NUDT4: variants seen among roughly 807,000 people sequenced by gnomAD.
NUDT4 encodes nudix hydrolase 4.
In NUDT4, 5 loss-of-function variants were observed where a neutral mutation model predicts 23.1. That is an observed-to-expected ratio of 0.22 (90% confidence interval 0.11 to 0.46). The LOEUF is 0.46. Among genes scored for constraint, NUDT4 ranks in the 20% least tolerant of loss-of-function variants. The probability of loss-of-function intolerance (pLI) is 0.99; values close to 1 mark genes in which losing one functional copy is unlikely to be tolerated. For synonymous variants in NUDT4, 50 were observed against 79.0 expected (o/e 0.63, Z 1.95); for missense variants, 96 against 211.6 (o/e 0.45, Z 3.39).
intron 1 of NUDT4, among the ~76,000 whole-genome samples, chr12:93,383,551 G>A (rs888362115): frequency 1.3e-5 from 2 of 152,216 alleles, no homozygotes; most frequent in Non-Finnish European, 2.9e-5. Flanking sequence ...TTCTGAGTAG[G>A]CCAGGTGCAG....
Position 93,383,768 on chromosome 12 carries a change from C to A in NUDT4, c.99+5347C>A, listed in dbSNP as rs956612848. Among the ~76,000 whole-genome samples, 31 of 152,168 alleles carry A rather than the reference C, an allele frequency of 2.0e-4. 1 individual carries two copies. The highest frequency in any genetic ancestry group is 7.5e-4 in the African/African-American group (31 of 41,446). On this transcript the variant is annotated intron_variant, in intron 1 of 4. Transcript: ENST00000415493. ...AATCCCTTGAACCCAGGAGGCGGGG[C>A]TTTCAGTGAGCTGAGATTGCGCCAC...
rs534870404 is a variant in NUDT4, at chr12:93,395,004, G to A, written c.210+285G>A. On this transcript the variant is annotated intron_variant, in intron 2 of 4. Coordinates refer to ENST00000415493, the MANE Select transcript of NUDT4 (RefSeq NM_019094.6). Reference sequence around the variant, plus strand: ...GCTGGGATTACAGGCACGTGCCACCGCGTCTGGCTAATTTTTGTATTTTTA... The same window carrying A: ...GCTGGGATTACAGGCACGTGCCACCACGTCTGGCTAATTTTTGTATTTTTA... Among the ~76,000 whole-genome samples the A allele has an allele frequency of 1.1e-4, 16 of 151,858 alleles. No homozygotes were observed. The South Asian group carries it at 1.2e-3, about 12-fold the overall frequency.
intron 1 of NUDT4, among the ~76,000 whole-genome samples, chr12:93,382,868 A>G (rs923603873): frequency 6.6e-5 from 10 of 151,864 alleles, no homozygotes; most frequent in Non-Finnish European, 1.5e-4. Flanking sequence ...TCACTGTGTT[A>G]GCCAGGATGG....
chr12:93,394,526 T>C, intron 1 of NUDT4, 83 bp from the exon 2 acceptor site: 2 of 759,212 alleles, frequency 2.6e-6, no homozygotes, highest in Admixed American at 2.3e-5. Flanking sequence ...AATAGAGTTA[T>C]AACCTTGCAG....
At chr12:93,398,741 T>G (rs769699257) in intron 3 of NUDT4, 30 bp from the exon 4 acceptor site, 29 of 1,504,338 alleles carry the variant, frequency 1.9e-5, no homozygotes, top group Non-Finnish European at 2.6e-5. Context: ...TCCTGTAGAT[T>G]AAAATGCATT....
chr12:93,385,216 A>G (rs1355654110), intron 1 of NUDT4: 2 of 152,168 alleles, frequency 1.3e-5, no homozygotes, highest in Non-Finnish European at 2.9e-5. Flanking sequence ...AGGGAGTAAG[A>G]TTTAGTAGAG....
intron 1 of NUDT4, among the ~76,000 whole-genome samples, chr12:93,382,177 T>C (rs1875707155): frequency 1.3e-5 from 2 of 148,206 alleles, no homozygotes; most frequent in Admixed American, 1.4e-4. Flanking sequence ...GGCATGAGAA[T>C]CCCTTGAACC....
At chr12:93,385,941 T>TTTTATATATA (rs1278115598) in intron 1 of NUDT4, among the ~76,000 whole-genome samples, 1 of 104,600 alleles carries the variant, frequency 9.6e-6, no homozygotes, top group Non-Finnish European at 1.9e-5. Context: ...GTAAATCTTT[T>TTTTATATATA]TATATATATA....
chr12:93,379,055 C>T (rs1369619669), intron 1 of NUDT4, among the ~76,000 whole-genome samples: 2 of 152,110 alleles, frequency 1.3e-5, no homozygotes, highest in Non-Finnish European at 2.9e-5. Context: ...TGGAATAATG[C>T]CAAAAGGGAG....
At position 93,403,751 on chromosome 12, in the gene NUDT4, T is replaced by C. The variant is rs1877633525; in HGVS notation, c.*4372T>C. 6.6e-6 allele frequency: 1 copy of C among 152,244 alleles called. No homozygotes were observed. The highest frequency in any genetic ancestry group is 2.1e-4 in the South Asian group (1 of 4,836). The allele number at this position is 152,244 out of a possible 1,614,324, so 9.4% of individuals were successfully genotyped here. A position where few individuals can be genotyped will look rare whatever the true frequency, so the allele number is the denominator to read the frequency against. ...TTTCCCCCACCAAATGCACATTTTATGGAGCTCTAGGACAAAAGTCAGGAT... is the reference window on the plus strand; with the variant it reads ...TTTCCCCCACCAAATGCACATTTTACGGAGCTCTAGGACAAAAGTCAGGAT... On this transcript the variant is annotated 3_prime_UTR_variant, in exon 5 of 5. Transcript: ENST00000415493.
intron 1 of NUDT4, among the ~76,000 whole-genome samples, chr12:93,387,406 T>C (rs1389080080): frequency 5.9e-5 from 9 of 152,114 alleles, no homozygotes; most frequent in African/African-American, 2.2e-4. Context: ...AGTTCTGGAG[T>C]GACAGTACTC....
chr12:93,390,459 A>AT (rs1380555558), intron 1 of NUDT4, among the ~76,000 whole-genome samples: 1 of 152,250 alleles, frequency 6.6e-6, no homozygotes, highest in Non-Finnish European at 1.5e-5. Context: ...TTTGAATAAA[A>AT]TACAAAGGTT....
At chr12:93,378,718 C>A in intron 1 of NUDT4, 1 of 1,104,564 alleles carries the variant, frequency 9.1e-7, no homozygotes, top group Non-Finnish European at 1.1e-6. Flanking sequence ...GCGGGAGTCA[C>A]CATCTTAACG....
At chr12:93,390,606 AC>A (rs774478589) in intron 1 of NUDT4, among the ~76,000 whole-genome samples, 2 of 151,404 alleles carry the variant, frequency 1.3e-5, no homozygotes, top group East Asian at 1.9e-4. Context: ...TAATGTAATA[AC>A]CCCCCCTCCC....
rs1028608310 is a variant in NUDT4, at chr12:93,405,259, G to A, written c.*5880G>A. On this transcript the variant is annotated 3_prime_UTR_variant, in exon 5 of 5. Coordinates refer to ENST00000415493, the MANE Select transcript of NUDT4 (RefSeq NM_019094.6). ...GTTATAATAAAACTTAAGAACTATC[G>A]ATATTTACTAATCTACATCATGGAA... The A allele has an allele frequency of 6.6e-6, 1 of 152,084 alleles. No individual in the cohort carries two copies. The highest frequency in any genetic ancestry group is 2.4e-5 in the African/African-American group (1 of 41,386). 9.4% of individuals were successfully genotyped at this position (152,084 alleles called of 1,614,324 possible). A position where few individuals can be genotyped will look rare whatever the true frequency, so the allele number is the denominator to read the frequency against.
At chr12:93,392,535 G>C (rs1876620509) in intron 1 of NUDT4, among the ~76,000 whole-genome samples, 1 of 151,324 alleles carries the variant, frequency 6.6e-6, no homozygotes, top group African/African-American at 2.4e-5. Flanking sequence ...AGGATTACAG[G>C]CATGAGCCAC....
rs1175974039 is a variant in NUDT4, at chr12:93,404,567, A to C, written c.*5188A>C. 6.6e-6 allele frequency: 1 copy of C among 152,230 alleles called. No individual in the cohort carries two copies. The highest frequency in any genetic ancestry group is 1.5e-5 in the Non-Finnish European group (1 of 68,044). The allele number at this position is 152,230 out of a possible 1,614,324, so 9.4% of individuals were successfully genotyped here. A position where few individuals can be genotyped will look rare whatever the true frequency, so the allele number is the denominator to read the frequency against. ...TGAAACTGGTACCAATTTAATATTCAAATGTGATTAAGTCATGGCAATCTA... is the reference window on the plus strand; with the variant it reads ...TGAAACTGGTACCAATTTAATATTCCAATGTGATTAAGTCATGGCAATCTA... On this transcript the variant is annotated 3_prime_UTR_variant, in exon 5 of 5. Coordinates refer to ENST00000415493, the MANE Select transcript of NUDT4 (RefSeq NM_019094.6).
intron 1 of NUDT4, among the ~76,000 whole-genome samples, chr12:93,385,939 TTTTATATATATA>T (rs1290902584): frequency 5.4e-5 from 3 of 55,174 alleles, no homozygotes; most frequent in East Asian, 1.8e-3. Context: ...TAGTAAATCT[TTTTATATATATA>T]TATATATATA....
Position 93,406,275 on chromosome 12 carries a change from C to CGAAAAAAAAAAA in NUDT4, c.*6896_*6897insGAAAAAAAAAAA. On this transcript the variant is annotated 3_prime_UTR_variant, in exon 5 of 5. Coordinates refer to ENST00000415493, the MANE Select transcript of NUDT4 (RefSeq NM_019094.6). Reference sequence around the variant, plus strand: ...AGAGCTAGAAAGTGGCTAGAGCAGCCAAAAAAAAAAAAAAAAAAAAAAAAA... The same window carrying CGAAAAAAAAAAA: ...AGAGCTAGAAAGTGGCTAGAGCAGCCGAAAAAAAAAAAAAAAAAAAAAAAAAAAAAAAAAAAA... 1 of 37,990 alleles carries CGAAAAAAAAAAA rather than the reference C, an allele frequency of 2.6e-5. No homozygotes were observed. Among genetic ancestry groups the CGAAAAAAAAAAA allele is most frequent in the South Asian group, 1.8e-3 (1 of 570 alleles). 2.4% of individuals were successfully genotyped at this position (37,990 alleles called of 1,614,324 possible).
Sources: allele counts gnomAD v4.1 joint callset (sites outside exome capture counted in the v4.1 genomes callset), GRCh38; gene constraint gnomAD v4.1.1; transcripts MANE v1.5; gene names NCBI Gene and HGNC (gene_info 2026-07-23, HGNC 2026-07-21).